The following WT1 variants were observed in gnomAD, a reference collection of about 807,000 sequenced individuals.
WT1 encodes WT1 transcription factor, also known as Wilms tumor protein.
In WT1, 8 loss-of-function variants were observed where a neutral mutation model predicts 60.8. The observed-to-expected ratio is 0.13, with a 90% confidence interval of 0.08 to 0.24. The LOEUF is 0.24. Ranked by LOEUF, WT1 falls within the 10% of genes least tolerant of loss-of-function variation. WT1 has a pLI of 1.00. For missense variants in WT1, 568 were observed against 711.8 expected, an observed-to-expected ratio of 0.80 and a Z score of 2.30; for synonymous variants, 312 against 297.1, an observed-to-expected ratio of 1.05 and a Z score of -0.52.
Position 32,435,407 on chromosome 11 carries a change from C to T in WT1, c.-47G>A. ...GGGCCCGGGCGCCTGGGCTGCCGTC[C>T]CGGCTCTGGGTGGGTGGGTGGGTGA... On this transcript the variant is annotated 5_prime_UTR_variant, in exon 1 of 10. Coordinates refer to ENST00000452863, the MANE Select transcript of WT1 (RefSeq NM_024426.6). The T allele has an allele frequency of 1.2e-6, 1 of 867,078 alleles. No individual in the cohort carries two copies. The allele number at this position is 867,078 out of a possible 1,614,324, so 53.7% of individuals were successfully genotyped here. A position where few individuals can be genotyped will look rare whatever the true frequency, so the allele number is the denominator to read the frequency against.
intron 5 of WT1, among the ~76,000 whole-genome samples, chr11:32,405,450 T>TA (rs1442702037): frequency 1.3e-5 from 2 of 150,300 alleles, no homozygotes; most frequent in African/African-American, 4.9e-5. Flanking sequence ...ACTCTGTCTG[T>TA]AAAAAATATA....
At chr11:32,396,606 G>A (rs144742586) in intron 6 of WT1, among the ~76,000 whole-genome samples, 199 bp from the exon 7 acceptor site, 9 of 152,274 alleles carry the variant, frequency 5.9e-5, no homozygotes, top group Middle Eastern at 3.4e-3. Flanking sequence ...ACAATGCAGT[G>A]CTCTAAGATC....
chr11:32,413,221 A>G (rs1434913811), intron 5 of WT1, among the ~76,000 whole-genome samples: 1 of 152,232 alleles, frequency 6.6e-6, no homozygotes, highest in Non-Finnish European at 1.5e-5. Flanking sequence ...TCTCTAAAAC[A>G]TGAACCAAAT....
intron 4 of WT1, 97 bp from the exon 5 acceptor site, chr11:32,416,637 A>C (rs1435044096): frequency 3.5e-6 from 5 of 1,423,224 alleles, no homozygotes; most frequent in Non-Finnish European, 4.9e-6. Flanking sequence ...CCCTCAATAC[A>C]CAGAGACATC....
At chr11:32,432,373 G>A (rs1256053062) in intron 1 of WT1, among the ~76,000 whole-genome samples, 3 of 152,174 alleles carry the variant, frequency 2.0e-5, no homozygotes, top group South Asian at 2.1e-4. Context: ...GAAGCAGCAG[G>A]AACCCTGGAA....
In WT1 at chr11:32,432,144, A is replaced by G. The variant is rs370567029; in HGVS notation, c.661+2556T>C. ...GATATAATATTTAAGAATTTAAAAT[A>G]TGAACATGCTTGTGAAGTTTTGGGC... is the stretch of plus-strand genomic sequence containing the variant. On this transcript the variant is annotated intron_variant, in intron 1 of 9. Coordinates refer to ENST00000452863, the MANE Select transcript of WT1 (RefSeq NM_024426.6). Among the ~76,000 whole-genome samples the G allele has an allele frequency of 2.4e-4, 36 of 152,378 alleles. No individual in the cohort carries two copies. In the East Asian group the frequency reaches 5.4e-3, roughly 23 times the overall value.
intron 5 of WT1, among the ~76,000 whole-genome samples, chr11:32,415,409 G>A (rs570586802): frequency 2.0e-5 from 3 of 152,340 alleles, no homozygotes; most frequent in East Asian, 3.9e-4. Context: ...AGCACTTCGG[G>A]AGATCAAGGT....
chr11:32,413,032 G>T (rs1158376814), intron 5 of WT1, among the ~76,000 whole-genome samples: 6 of 152,108 alleles, frequency 3.9e-5, no homozygotes, highest in Non-Finnish European at 8.8e-5. Flanking sequence ...CCGTGGACTT[G>T]CTTGGGATAC....
intron 6 of WT1, among the ~76,000 whole-genome samples, chr11:32,396,702 T>C (rs1036477653): frequency 6.6e-6 from 1 of 152,192 alleles, no homozygotes; most frequent in Non-Finnish European, 1.5e-5. Context: ...GAAATGCTGG[T>C]ACCTGGAAGA....
chr11:32,411,924 G>T (rs5030227), intron 5 of WT1, among the ~76,000 whole-genome samples: 1 of 152,156 alleles, frequency 6.6e-6, no homozygotes, highest in African/African-American at 2.4e-5. Flanking sequence ...AACTTTAAAC[G>T]GTGGAAAATT....
At chr11:32,423,935 G>T (rs921775656) in intron 3 of WT1, among the ~76,000 whole-genome samples, 2 of 152,122 alleles carry the variant, frequency 1.3e-5, no homozygotes, top group African/African-American at 4.8e-5. Flanking sequence ...GGCCCAGGCG[G>T]GTGGATCACA....
In WT1 at chr11:32,434,948, G is replaced by A; in HGVS notation, c.413C>T (p.Pro138Leu). 1 of 1,568,292 alleles carries A rather than the reference G, an allele frequency of 6.4e-7. No individual in the cohort carries two copies. The highest frequency in any genetic ancestry group is 8.6e-7 in the Non-Finnish European group (1 of 1,161,124). Reference sequence around the variant, plus strand: ...TTTGATGAAGGAGTGAGGCGGCGGCGGCGGGGGTGGCGGCGGAGCCGGTGG... The same window carrying A: ...TTTGATGAAGGAGTGAGGCGGCGGCAGCGGGGGTGGCGGCGGAGCCGGTGG... The change falls in exon 1 of 10, where the codon CCG becomes CTG. Residue 138 changes from proline (P) to leucine (L), a missense_variant. Pro to Leu is a moderately conservative substitution (Grantham distance 98, BLOSUM62 -3). Coordinates refer to ENST00000452863, the MANE Select transcript of WT1 (RefSeq NM_024426.6).
chr11:32,411,004 C>T (rs1226860229), intron 5 of WT1, among the ~76,000 whole-genome samples: 1 of 151,346 alleles, frequency 6.6e-6, no homozygotes, highest in African/African-American at 2.4e-5. Flanking sequence ...TAGGAGAAGT[C>T]CAAATACTGC....
intron 5 of WT1, among the ~76,000 whole-genome samples, chr11:32,409,840 C>T (rs1423223587): frequency 6.6e-6 from 1 of 152,148 alleles, no homozygotes; most frequent in East Asian, 1.9e-4. Context: ...AGCCCCTTCT[C>T]TCCCACCTCC....
intron 5 of WT1, among the ~76,000 whole-genome samples, chr11:32,411,971 C>T (rs1227005542): frequency 1.3e-5 from 2 of 152,164 alleles, no homozygotes; most frequent in African/African-American, 4.8e-5. Context: ...GGAGTAGGCT[C>T]GGCAATGCTG....
At chr11:32,414,653 G>A (rs537103265) in intron 5 of WT1, among the ~76,000 whole-genome samples, 23 of 152,238 alleles carry the variant, frequency 1.5e-4, no homozygotes, top group Admixed American at 4.6e-4. Context: ...GTGGCGGATC[G>A]CCTGAGGTCA....
chr11:32,414,454 T>C (rs79141954), intron 5 of WT1, among the ~76,000 whole-genome samples: 3,282 of 152,238 alleles, frequency 0.022, 118 homozygotes, highest in African/African-American at 0.075. Context: ...TTTGTATTTT[T>C]TGTAGAGAAA....
intron 2 of WT1, 59 bp downstream of exon 2, chr11:32,428,438 G>A (rs2133074593): frequency 6.2e-7 from 1 of 1,611,720 alleles, no homozygotes; most frequent in Non-Finnish European, 8.5e-7. Context: ...AATTCCTGGG[G>A]GAGAGGAGGA....
intron 4 of WT1, among the ~76,000 whole-genome samples, chr11:32,416,806 G>A (rs1169751077): frequency 6.6e-6 from 1 of 152,186 alleles, no homozygotes; most frequent in African/African-American, 2.4e-5. Flanking sequence ...AACCTGGGAA[G>A]TAACTTAACC....
Sources: gnomAD v4.1 joint callset for allele counts (sites outside exome capture counted in the v4.1 genomes callset) on GRCh38, gnomAD v4.1.1 for gene constraint, MANE v1.5 for transcripts, NCBI Gene and HGNC (gene_info 2026-07-23, HGNC 2026-07-21) for gene names.